The following TAFA4 variants were observed in gnomAD, a reference collection of about 807,000 sequenced individuals.
The protein encoded by TAFA4 is TAFA chemokine like family member 4, also known as chemokine-like protein TAFA-4.
TAFA4 carries 20 observed loss-of-function variants against 21.1 expected under a neutral mutation model. That is an observed-to-expected ratio of 0.95 (90% CI 0.67 to 1.38). The LOEUF (loss-of-function observed/expected upper bound fraction) is 1.38, where lower values mean the gene tolerates loss of function less well. TAFA4 is among the 40% of genes most tolerant of loss of function. The probability of loss-of-function intolerance (pLI) is 0.00; values close to 1 mark genes in which losing one functional copy is unlikely to be tolerated. For missense variants in TAFA4, 211 were observed against 180.9 expected, an observed-to-expected ratio of 1.17 and a Z score of -0.95; for synonymous variants, 71 against 67.4, an observed-to-expected ratio of 1.05 and a Z score of -0.26.
intron 1 of TAFA4, among the ~76,000 whole-genome samples, chr3:68,926,573 T>G (rs1434095589): frequency 6.6e-6 from 1 of 152,142 alleles, no homozygotes; most frequent in Non-Finnish European, 1.5e-5. Flanking sequence ...AAGTTGCCAT[T>G]AGAGCAGAGT....
chr3:68,842,164 C>G (rs1220557697), intron 3 of TAFA4, among the ~76,000 whole-genome samples: 1 of 152,222 alleles, frequency 6.6e-6, no homozygotes, highest in Non-Finnish European at 1.5e-5. Context: ...CTCCCACCAA[C>G]AGTGTAAAAG....
intron 1 of TAFA4, among the ~76,000 whole-genome samples, chr3:68,904,238 C>T (rs2089874627): frequency 6.6e-6 from 1 of 152,148 alleles, no homozygotes; most frequent in Non-Finnish European, 1.5e-5. Context: ...GAAAGTTAGC[C>T]CACAATCTAA....
intron 3 of TAFA4, among the ~76,000 whole-genome samples, chr3:68,833,374 G>C (rs1219129178): frequency 6.6e-6 from 1 of 152,080 alleles, no homozygotes; most frequent in East Asian, 1.9e-4. Context: ...ATTCCTCAAA[G>C]CACCACAGAA....
intron 3 of TAFA4, among the ~76,000 whole-genome samples, chr3:68,760,371 A>G (rs1324634253): frequency 6.6e-6 from 1 of 152,212 alleles, no homozygotes; most frequent in East Asian, 1.9e-4. Context: ...AAAATACAAA[A>G]CCACATCTGC....
Position 68,906,368 on chromosome 3 carries a change from C to T in TAFA4, c.-122-21058G>A, listed in dbSNP as rs71302160. ...TTCGGGGTCTTTTACTCTTGAGGGA[C>T]TCAGTATGCAAATAATAATAGCTAC... On this transcript the variant is annotated intron_variant, in intron 1 of 5. Transcript: ENST00000295569. Among the ~76,000 whole-genome samples the T allele has an allele frequency of 3.0e-3, 453 of 152,296 alleles. 1 individual carries two copies. Among genetic ancestry groups the T allele is most frequent in the Non-Finnish European group, 5.2e-3 (357 of 68,024 alleles).
intron 1 of TAFA4, among the ~76,000 whole-genome samples, chr3:68,892,208 TATATACCTGTC>T (rs1195040250): frequency 1.3e-5 from 2 of 152,208 alleles, no homozygotes; most frequent in East Asian, 3.9e-4. Flanking sequence ...CAATATGTGG[TATATACCTGTC>T]ATAAATTGCT....
intron 4 of TAFA4, among the ~76,000 whole-genome samples, chr3:68,743,121 TAGTACCTA>T (rs1559755962): frequency 6.6e-6 from 1 of 152,168 alleles, no homozygotes; most frequent in Non-Finnish European, 1.5e-5. Context: ...TCAAAACAAA[TAGTACCTA>T]AGTCAGGTGG....
intron 1 of TAFA4, among the ~76,000 whole-genome samples, chr3:68,885,687 T>G (rs888252275): frequency 6.6e-5 from 10 of 152,220 alleles, no homozygotes; most frequent in African/African-American, 2.2e-4. Flanking sequence ...GACATGCAAT[T>G]TGCCCAAGCC....
At chr3:68,817,008 T>A (rs747759996) in intron 3 of TAFA4, among the ~76,000 whole-genome samples, 1 of 152,200 alleles carries the variant, frequency 6.6e-6, no homozygotes, top group Admixed American at 6.5e-5. Context: ...GGCAATTTCT[T>A]AAAGTAAGAC....
intron 3 of TAFA4, among the ~76,000 whole-genome samples, chr3:68,791,354 G>A (rs1006987600): frequency 6.6e-6 from 1 of 152,094 alleles, no homozygotes; most frequent in Non-Finnish European, 1.5e-5. Context: ...GACAATGGAG[G>A]CCGAGATTGA....
intron 1 of TAFA4, among the ~76,000 whole-genome samples, chr3:68,903,820 G>A (rs548246230): frequency 2.0e-5 from 3 of 152,228 alleles, no homozygotes; most frequent in African/African-American, 7.2e-5. Flanking sequence ...CAAAGGGACC[G>A]ATGGCACAGA....
chr3:68,785,684 C>T (rs114029556), intron 3 of TAFA4, among the ~76,000 whole-genome samples: 12,776 of 152,298 alleles, frequency 0.084, 649 homozygotes, highest in African/African-American at 0.13. Context: ...GAGACGGCTC[C>T]GGCCTTGGCC....
intron 3 of TAFA4, among the ~76,000 whole-genome samples, chr3:68,863,524 G>A (rs1157029366): frequency 6.6e-6 from 1 of 152,114 alleles, no homozygotes; most frequent in East Asian, 1.9e-4. Flanking sequence ...ATCCCTAATA[G>A]TCCAAAGTCT....
intron 3 of TAFA4, among the ~76,000 whole-genome samples, chr3:68,871,397 C>T (rs377569625): frequency 7.2e-5 from 11 of 152,088 alleles, no homozygotes; most frequent in African/African-American, 2.6e-4. Context: ...CAAAGCTAGA[C>T]CCCTATCGCT....
At chr3:68,927,120 T>G (rs1359552648) in intron 1 of TAFA4, among the ~76,000 whole-genome samples, 2 of 152,156 alleles carry the variant, frequency 1.3e-5, no homozygotes, top group Non-Finnish European at 2.9e-5. Flanking sequence ...ATTGGAGCAA[T>G]TTTAAGTTTC....
At chr3:68,742,550 A>G (rs2106735042) in intron 4 of TAFA4, among the ~76,000 whole-genome samples, 1 of 152,230 alleles carries the variant, frequency 6.6e-6, no homozygotes, top group South Asian at 2.1e-4. Context: ...AAACCTCACT[A>G]CAAACCTGAG....
chr3:68,809,388 T>C (rs1559528124), intron 3 of TAFA4, among the ~76,000 whole-genome samples: 1 of 152,216 alleles, frequency 6.6e-6, no homozygotes, highest in Non-Finnish European at 1.5e-5. Context: ...ACTATAACAG[T>C]ATGGGAATAG....
intron 1 of TAFA4, among the ~76,000 whole-genome samples, chr3:68,909,949 T>C (rs1317546662): frequency 6.6e-6 from 1 of 152,116 alleles, no homozygotes; most frequent in Admixed American, 6.5e-5. Flanking sequence ...CTCACAGGGT[T>C]GTTGGCAGTA....
chr3:68,897,669 A>G (rs1021505914), intron 1 of TAFA4, among the ~76,000 whole-genome samples: 5 of 152,158 alleles, frequency 3.3e-5, no homozygotes, highest in African/African-American at 1.2e-4. Context: ...TCTCATTTCA[A>G]TGATTATTCT....
Sources: gnomAD v4.1 joint callset for allele counts (sites outside exome capture counted in the v4.1 genomes callset) on GRCh38, gnomAD v4.1.1 for gene constraint, MANE v1.5 for transcripts, NCBI Gene and HGNC (gene_info 2026-07-23, HGNC 2026-07-21) for gene names.